The following MESD variants were observed in gnomAD, a reference collection of about 807,000 sequenced individuals.
MESD encodes mesoderm development LRP chaperone, also known as LRP chaperone MESD.
A neutral mutation model predicts 12.9 loss-of-function variants in MESD; 7 were observed. The ratio of observed to expected loss-of-function variants is 0.54; its 90% confidence interval spans 0.31 to 1.02. MESD has a LOEUF of 1.02. MESD is among the 50% of genes least tolerant of loss of function. The probability of loss-of-function intolerance (pLI) is 0.05; values close to 1 mark genes in which losing one functional copy is unlikely to be tolerated. For synonymous variants in MESD, 126 were observed against 115.6 expected, an observed-to-expected ratio of 1.09 and a Z score of -0.58; for missense variants, 342 against 296.7, an observed-to-expected ratio of 1.15 and a Z score of -1.12.
chr15:80,954,845 A>AT (rs1224878544), intron 3 of MESD, among the ~76,000 whole-genome samples: 1 of 152,132 alleles, frequency 6.6e-6, no homozygotes, highest in African/African-American at 2.4e-5. Flanking sequence ...GTTTTTTTGC[A>AT]TTTTTTTAAA....
chr15:80,962,167 C>T (rs919406596), intron 3 of MESD, among the ~76,000 whole-genome samples: 3 of 152,002 alleles, frequency 2.0e-5, no homozygotes, highest in Non-Finnish European at 2.9e-5. Flanking sequence ...AAATGGAAAG[C>T]GAAAAACAGC....
chr15:80,987,780 C>T (rs1246572038), intron 1 of MESD, among the ~76,000 whole-genome samples: 6 of 151,652 alleles, frequency 4.0e-5, no homozygotes, highest in East Asian at 3.9e-4. Flanking sequence ...TGAGCCACTG[C>T]GCCCAGCCAA....
chr15:80,979,035 T>G lies in MESD; in HGVS notation c.*184A>C, dbSNP rs1334646796. 3.2e-5 allele frequency: 23 copies of G among 712,060 alleles called. No homozygotes were observed. The highest frequency in any genetic ancestry group is 4.8e-5 in the Non-Finnish European group (21 of 437,472). The allele number at this position is 712,060 out of a possible 1,614,324, so 44.1% of individuals were successfully genotyped here. A position where few individuals can be genotyped will look rare whatever the true frequency, so the allele number is the denominator to read the frequency against. On this transcript the variant is annotated 3_prime_UTR_variant, in exon 3 of 3. Transcript: ENST00000261758. ...CAGTATTAATTAGAAAACATCTGTC[T>G]TCTTACTTGAAGCCTATTAAGCAGT...
At chr15:80,951,321 A>C (rs1394047276) in intron 4 of MESD, 1 of 152,594 alleles carries the variant, frequency 6.6e-6, no homozygotes, top group Non-Finnish European at 1.5e-5. Flanking sequence ...CTGTACATAA[A>C]AGTTTCTTTC....
intron 3 of MESD, among the ~76,000 whole-genome samples, chr15:80,969,013 AC>A (rs1567121841): frequency 6.6e-6 from 1 of 152,096 alleles, no homozygotes; most frequent in Non-Finnish European, 1.5e-5. Flanking sequence ...ACATAGGGAG[AC>A]CCTGTCTCTA....
chr15:80,985,006 C>T (rs1412435484), intron 1 of MESD, among the ~76,000 whole-genome samples: 3 of 152,206 alleles, frequency 2.0e-5, no homozygotes, highest in Non-Finnish European at 4.4e-5. Flanking sequence ...CCTTACGCCT[C>T]GAGGCCTGTT....
At chr15:80,962,900 G>A (rs908368664) in intron 3 of MESD, among the ~76,000 whole-genome samples, 2 of 152,034 alleles carry the variant, frequency 1.3e-5, no homozygotes, top group Non-Finnish European at 2.9e-5. Flanking sequence ...ATCTAAAATC[G>A]ACACCCTAAC....
intron 3 of MESD, among the ~76,000 whole-genome samples, chr15:80,968,757 T>C (rs1441312336): frequency 2.0e-5 from 3 of 152,202 alleles, no homozygotes; most frequent in Non-Finnish European, 4.4e-5. Context: ...CCTACAGGCT[T>C]AGATGAGTGA....
intron 3 of MESD, among the ~76,000 whole-genome samples, chr15:80,966,160 A>G (rs1371916304): frequency 6.6e-6 from 1 of 152,208 alleles, no homozygotes; most frequent in Non-Finnish European, 1.5e-5. Flanking sequence ...TTTAGAAAAT[A>G]CTTAGCATAA....
intron 3 of MESD, among the ~76,000 whole-genome samples, chr15:80,967,109 T>C (rs916581013): frequency 6.6e-6 from 1 of 151,960 alleles, no homozygotes; most frequent in Non-Finnish European, 1.5e-5. Flanking sequence ...CTGACCAACA[T>C]GAAGAAACCC....
intron 3 of MESD, among the ~76,000 whole-genome samples, chr15:80,958,017 G>A (rs1306266907): frequency 6.6e-6 from 1 of 152,140 alleles, no homozygotes; most frequent in Non-Finnish European, 1.5e-5. Flanking sequence ...GCCCAGTCAA[G>A]TGGATACATA....
chr15:80,982,160 C>T lies in MESD; in HGVS notation c.236G>A (p.Gly79Glu), dbSNP rs1247356012. 4 of 1,613,854 alleles carry T rather than the reference C, an allele frequency of 2.5e-6. No homozygotes were observed. Among genetic ancestry groups the T allele is most frequent in the Non-Finnish European group, 3.4e-6 (4 of 1,179,920 alleles). ...AGGTCTCTTGTGCTCTGGAAGATCT[C>T]CTTCTTCAATGTCATCATCTTTCTA... The part of the protein sequence containing the change: ...QWEKDDDIEE[G>E]DLPEHKRPSA... The change falls in exon 2 of 3, where the codon GGA becomes GAA. Residue 79 changes from glycine to glutamate, a missense_variant. Coordinates refer to ENST00000261758, the MANE Select transcript of MESD (RefSeq NM_015154.3).
intron 2 of MESD, among the ~76,000 whole-genome samples, chr15:80,979,956 A>G (rs987740236): frequency 2.0e-5 from 3 of 152,240 alleles, no homozygotes; most frequent in African/African-American, 7.2e-5. Flanking sequence ...TCAAGAGGAC[A>G]CTTGGTTGTT....
chr15:80,974,849 T>C (rs1902371307), downstream of MESD, among the ~76,000 whole-genome samples: 1 of 150,968 alleles, frequency 6.6e-6, no homozygotes, highest in South Asian at 2.1e-4. Flanking sequence ...TTTATTAATT[T>C]TAAAAAATTA....
intron 1 of MESD, among the ~76,000 whole-genome samples, chr15:80,985,224 T>A (rs1379718409): frequency 6.6e-6 from 1 of 152,232 alleles, no homozygotes; most frequent in East Asian, 1.9e-4. Flanking sequence ...CATCACTATG[T>A]GGCCTTGGGC....
intron 3 of MESD, among the ~76,000 whole-genome samples, chr15:80,960,343 G>A (rs1902063055): frequency 6.7e-6 from 1 of 150,096 alleles, no homozygotes; most frequent in South Asian, 2.1e-4. Flanking sequence ...TCCATCCTGG[G>A]TGACAGACAA....
chr15:80,948,989 T>G (rs1596217921), intron 4 of MESD: 1 of 1,605,886 alleles, frequency 6.2e-7, no homozygotes, highest in Non-Finnish European at 8.5e-7. Flanking sequence ...AGCAGACCAG[T>G]GGGGGATGGC....
chr15:80,954,267 T>G (rs900236553), intron 3 of MESD, among the ~76,000 whole-genome samples: 1 of 152,172 alleles, frequency 6.6e-6, no homozygotes, highest in Admixed American at 6.5e-5. Flanking sequence ...GACTGTAGCC[T>G]CCTGCAGAGC....
At chr15:80,969,982 G>A (rs1374021542) in intron 3 of MESD, among the ~76,000 whole-genome samples, 1 of 152,172 alleles carries the variant, frequency 6.6e-6, no homozygotes, top group Non-Finnish European at 1.5e-5. Flanking sequence ...TACTGCATAG[G>A]GCTGCTTGCT....
Sources: allele counts gnomAD v4.1 joint callset (sites outside exome capture counted in the v4.1 genomes callset), GRCh38; gene constraint gnomAD v4.1.1; transcripts MANE v1.5; gene names NCBI Gene and HGNC (gene_info 2026-07-23, HGNC 2026-07-21).